Variants in RBFOX1 observed in about 807,000 individuals in gnomAD.
RBFOX1 encodes the protein RNA binding protein fox-1 homolog 1.
In RBFOX1, 8 loss-of-function variants were observed where a neutral mutation model predicts 57.7. The observed-to-expected ratio is 0.14, with a 90% CI of 0.08 to 0.25. The LOEUF (loss-of-function observed/expected upper bound fraction) is 0.25. Ranked by LOEUF, RBFOX1 falls within the 10% of genes least tolerant of loss-of-function variation. RBFOX1 has a pLI of 1.00. For synonymous variants in RBFOX1, 326 were observed against 222.4 expected, an observed-to-expected ratio of 1.47 and a Z score of -4.15; for missense variants, 611 against 548.5, an observed-to-expected ratio of 1.11 and a Z score of -1.14.
At chr16:6,950,910 C>G (rs1019132750) in intron 3 of RBFOX1, among the ~76,000 whole-genome samples, 2 of 151,050 alleles carry the variant, frequency 1.3e-5, no homozygotes, top group African/African-American at 4.9e-5. Context: ...TTCTTTCTTT[C>G]TCTCTTTTTT....
chr16:7,059,270 A>G (rs1053873488), intron 4 of RBFOX1, among the ~76,000 whole-genome samples: 6 of 152,138 alleles, frequency 3.9e-5, no homozygotes, highest in Admixed American at 1.3e-4. Context: ...CACGGAAGAA[A>G]ATGTAAGCCC....
intron 4 of RBFOX1, among the ~76,000 whole-genome samples, chr16:7,238,461 T>C (rs2093887171): frequency 6.6e-6 from 1 of 152,190 alleles, no homozygotes; most frequent in Non-Finnish European, 1.5e-5. Flanking sequence ...TTTGCATGGT[T>C]GTTTCCCCTT....
intron 1 of RBFOX1, among the ~76,000 whole-genome samples, chr16:5,325,259 C>T (rs1235059923): frequency 6.6e-6 from 1 of 151,874 alleles, no homozygotes; most frequent in Admixed American, 6.6e-5. Context: ...TTCCTTTCCC[C>T]AACTACTTGT....
At chr16:7,228,662 G>C (rs62017364) in intron 4 of RBFOX1, among the ~76,000 whole-genome samples, 1,534 of 152,264 alleles carry the variant, frequency 0.01, 6 homozygotes, top group Non-Finnish European at 0.017. Flanking sequence ...CTTTGCACCT[G>C]ATTGGCTGTG....
intron 3 of RBFOX1, among the ~76,000 whole-genome samples, chr16:5,687,707 C>T (rs943546511): frequency 2.6e-5 from 4 of 152,170 alleles, no homozygotes; most frequent in Non-Finnish European, 4.4e-5. Context: ...CACTGGAAAT[C>T]CCACACCTGG....
rs1491558284 is a variant in RBFOX1 at position 7,062,892 on chromosome 16, C to CTTTTTTTTTTTTTTT, written c.27+10794_27+10795insTTTTTTTTTTTTTTT. Among the ~76,000 whole-genome samples the CTTTTTTTTTTTTTTT allele has an allele frequency of 8.3e-5, 5 of 59,930 alleles. 1 individual carries two copies. Among genetic ancestry groups the CTTTTTTTTTTTTTTT allele is most frequent in the East Asian group, 6.6e-4 (1 of 1,524 alleles). 39.3% of individuals were successfully genotyped at this position (59,930 alleles called of 152,430 possible). ...TACCTCATCTCATTCAAATGATCGC[C>CTTTTTTTTTTTTTTT]ATTTTTTTTTTTTTTTTTTTTTTTT... On this transcript the variant is annotated intron_variant, in intron 4 of 15. Transcript: ENST00000550418.
intron 4 of RBFOX1, among the ~76,000 whole-genome samples, chr16:7,490,207 G>A (rs2066562072): frequency 6.6e-6 from 1 of 152,132 alleles, no homozygotes; most frequent in South Asian, 2.1e-4. Context: ...CTTGTTCAAG[G>A]CAGATGCTTT....
At chr16:6,910,337 C>A (rs1261552357) in intron 3 of RBFOX1, among the ~76,000 whole-genome samples, 1 of 151,986 alleles carries the variant, frequency 6.6e-6, no homozygotes. Flanking sequence ...AGTGTCTTTT[C>A]CACTCCCCGT....
chr16:6,333,156 C>T (rs1242103932), intron 2 of RBFOX1, among the ~76,000 whole-genome samples: 1 of 152,158 alleles, frequency 6.6e-6, no homozygotes, highest in Non-Finnish European at 1.5e-5. Context: ...TCTCCTGACT[C>T]AGCCTCCCGA....
intron 2 of RBFOX1, among the ~76,000 whole-genome samples, chr16:6,650,978 C>T (rs999131794): frequency 6.6e-6 from 1 of 152,214 alleles, no homozygotes; most frequent in Non-Finnish European, 1.5e-5. Context: ...TCCCGGCTTA[C>T]TGCATCCTCC....
At chr16:5,327,564 G>A (rs1456031979) in intron 1 of RBFOX1, among the ~76,000 whole-genome samples, 1 of 152,114 alleles carries the variant, frequency 6.6e-6, no homozygotes, top group Admixed American at 6.5e-5. Flanking sequence ...TTAGCCCTCA[G>A]AGAGAAACGC....
chr16:6,383,718 C>G (rs796263922), intron 2 of RBFOX1, among the ~76,000 whole-genome samples: 6 of 151,670 alleles, frequency 4.0e-5, no homozygotes, highest in African/African-American at 1.2e-4. Context: ...TGCAGTGAGC[C>G]AACATCGCAC....
intron 3 of RBFOX1, among the ~76,000 whole-genome samples, chr16:6,907,907 C>A (rs970453110): frequency 1.7e-4 from 26 of 151,566 alleles, no homozygotes; most frequent in African/African-American, 6.0e-4. Flanking sequence ...CATGGGTGCT[C>A]CTTGCTTGTA....
Position 7,613,634 on chromosome 16 carries a change from G to T in RBFOX1, c.676+6296G>T, listed in dbSNP as rs1222577740. Among the ~76,000 whole-genome samples the T allele has an allele frequency of 2.0e-5, 3 of 152,136 alleles. No homozygotes were observed. In the East Asian group the frequency reaches 5.8e-4, roughly 29 times the overall value. Reference sequence around the variant, plus strand: ...GACCTCGGATTTACCCATACCAAAGGTATTGGTTTTCTGTGGGCTAGAGTG... The same window carrying T: ...GACCTCGGATTTACCCATACCAAAGTTATTGGTTTTCTGTGGGCTAGAGTG... On this transcript the variant is annotated intron_variant, in intron 10 of 15. Transcript: ENST00000550418.
chr16:5,530,386 T>G (rs1430058779), intron 2 of RBFOX1, among the ~76,000 whole-genome samples: 1 of 152,122 alleles, frequency 6.6e-6, no homozygotes, highest in Non-Finnish European at 1.5e-5. Flanking sequence ...GGTTCAGAGA[T>G]GTGAAGTGAC....
At chr16:5,633,906 T>C (rs1367902056) in intron 3 of RBFOX1, among the ~76,000 whole-genome samples, 5 of 150,796 alleles carry the variant, frequency 3.3e-5, no homozygotes, top group Non-Finnish European at 7.4e-5. Context: ...CAAAAGAAGA[T>C]ATACAGACAC....
chr16:7,414,126 C>G (rs2098456745), intron 4 of RBFOX1, among the ~76,000 whole-genome samples: 1 of 152,204 alleles, frequency 6.6e-6, no homozygotes. Context: ...TTCAAGGGGT[C>G]TACAGACAAT....
chr16:6,096,337 A>G (rs938697970), intron 1 of RBFOX1, among the ~76,000 whole-genome samples: 1 of 152,160 alleles, frequency 6.6e-6, no homozygotes, highest in African/African-American at 2.4e-5. Context: ...ATCGTTCCCC[A>G]GATGCATTAT....
intron 2 of RBFOX1, among the ~76,000 whole-genome samples, chr16:6,332,312 G>A (rs2083138272): frequency 1.3e-5 from 2 of 152,300 alleles, no homozygotes; most frequent in East Asian, 1.9e-4. Context: ...GTCACTGTGT[G>A]AGGCATTTTA....
Sources: allele counts gnomAD v4.1 joint callset (sites outside exome capture counted in the v4.1 genomes callset), GRCh38; gene constraint gnomAD v4.1.1; transcripts MANE v1.5; gene names NCBI Gene and HGNC (gene_info 2026-07-23, HGNC 2026-07-21).